Variants in ZZEF1 observed in about 807,000 individuals in gnomAD.
The protein encoded by ZZEF1 is zinc finger ZZ-type and EF-hand domain containing 1.
ZZEF1 carries 157 observed loss-of-function variants against 342.8 expected under a neutral mutation model. The observed-to-expected ratio is 0.46, with a 90% CI of 0.40 to 0.52. The LOEUF (loss-of-function observed/expected upper bound fraction) is 0.52. Ranked by LOEUF, ZZEF1 falls within the 20% of genes least tolerant of loss-of-function variation. The pLI is 0.00. For missense variants in ZZEF1, 3,480 were observed against 3,725.6 expected (o/e 0.93, Z 1.72); for synonymous variants, 1,505 against 1,429.1 (o/e 1.05, Z -1.20).
rs748043625 is a variant in ZZEF1, at chr17:4,017,539, G to A, written c.7833C>T (p.Asn2611=). 4.3e-6 allele frequency: 7 copies of A among 1,614,244 alleles called. No individual in the cohort carries two copies. Among genetic ancestry groups the A allele is most frequent in the Non-Finnish European group, 5.9e-6 (7 of 1,180,038 alleles). ...RAVRDYLFRV[N]EATAVLYARH... Reference sequence around the variant, plus strand: ...GGGCGTACAGGACAGCTGTGGCCTCGTTCACTCGGAAGAGGTAGTCCCGGA... The same window carrying A: ...GGGCGTACAGGACAGCTGTGGCCTCATTCACTCGGAAGAGGTAGTCCCGGA... Residue 2611 remains asparagine, a synonymous_variant, in exon 48 of 55, where the codon AAC becomes AAT. Coordinates refer to ENST00000381638, the MANE Select transcript of ZZEF1 (RefSeq NM_015113.4). This position sits in a 1 kb window ranked among gnomAD's most constrained non-coding sequence, Gnocchi z 5.1.
intron 12 of ZZEF1, among the ~76,000 whole-genome samples, chr17:4,089,436 G>A (rs1308168168): frequency 2.6e-5 from 4 of 152,232 alleles, no homozygotes; most frequent in Non-Finnish European, 5.9e-5. Context: ...TATTTACCGA[G>A]CACCTACTAT....
intron 18 of ZZEF1, among the ~76,000 whole-genome samples, chr17:4,080,830 G>A (rs1229759356): frequency 2.0e-5 from 3 of 152,064 alleles, no homozygotes; most frequent in Non-Finnish European, 4.4e-5. Context: ...AAGCATTATC[G>A]AGCACTTCTG....
At chr17:4,046,963 G>T (rs78167383) in intron 37 of ZZEF1, among the ~76,000 whole-genome samples, 2,535 of 152,256 alleles carry the variant, frequency 0.017, 69 homozygotes, top group African/African-American at 0.058. Flanking sequence ...TGTCCTAGGG[G>T]CCCCAATGGG....
At chr17:4,078,186 A>C in intron 18 of ZZEF1, 144 bp from the exon 19 acceptor site, 1 of 811,262 alleles carries the variant, frequency 1.2e-6, no homozygotes, top group African/African-American at 1.7e-5. Context: ...TCAACCCAGC[A>C]GTCACCAAGA....
chr17:4,073,431 T>G (rs944982493), intron 24 of ZZEF1, among the ~76,000 whole-genome samples: 1 of 150,526 alleles, frequency 6.6e-6, no homozygotes, highest in Non-Finnish European at 1.5e-5. Flanking sequence ...TGAACACATC[T>G]TTTTCCTTTT....
chr17:4,072,501 G>A, intron 25 of ZZEF1, 107 bp downstream of exon 25: 1 of 1,353,114 alleles, frequency 7.4e-7, no homozygotes, highest in South Asian at 1.6e-5. Context: ...GGAGCTAACT[G>A]CTTAATACGG....
intron 38 of ZZEF1, 91 bp downstream of exon 38, chr17:4,044,133 A>G (rs1038067112): frequency 5.5e-6 from 8 of 1,442,488 alleles, no homozygotes; most frequent in Admixed American, 3.9e-5. Flanking sequence ...CGTCTAGCCA[A>G]TGTCAAGCTG....
chr17:4,004,817 C>T lies in ZZEF1; in HGVS notation c.*2073G>A, dbSNP rs2055768643. ...GGCAGCGCCACCCGGTGGCCGGAGACAGAGGCGGCCGGGCCGAGCCGGGAG... is the reference window on the plus strand; with the variant it reads ...GGCAGCGCCACCCGGTGGCCGGAGATAGAGGCGGCCGGGCCGAGCCGGGAG... On this transcript the variant is annotated 3_prime_UTR_variant, in exon 55 of 55. Transcript: ENST00000381638. The T allele has an allele frequency of 6.6e-6, 1 of 152,378 alleles. No individual in the cohort carries two copies. Among genetic ancestry groups the T allele is most frequent in the African/African-American group, 2.4e-5 (1 of 41,602 alleles). The allele number at this position is 152,378 out of a possible 1,614,324, so 9.4% of individuals were successfully genotyped here.
intron 45 of ZZEF1, among the ~76,000 whole-genome samples, chr17:4,020,435 T>A (rs2056239773): frequency 6.6e-6 from 1 of 152,228 alleles, no homozygotes; most frequent in South Asian, 2.1e-4. Context: ...CTTGAACTCC[T>A]GGCCTCAAGT....
chr17:4,084,864 G>A (rs1411864541), intron 16 of ZZEF1, among the ~76,000 whole-genome samples: 1 of 152,242 alleles, frequency 6.6e-6, no homozygotes, highest in Non-Finnish European at 1.5e-5. Context: ...TGTAATCCCA[G>A]CACTTTGGGA....
At position 4,032,849 on chromosome 17, in the gene ZZEF1, G is replaced by A. The variant is rs746443756; in HGVS notation, c.6738C>T (p.Leu2246=). ...GTACCTGGGGGAAGCCAACCAGCACGAGCAGGGTGAAGATGTTGGTGTGCT... is the reference window on the plus strand; with the variant it reads ...GTACCTGGGGGAAGCCAACCAGCACAAGCAGGGTGAAGATGTTGGTGTGCT... The part of the protein sequence containing the change: ...QLKHTNIFTL[L]VLVGFPQVLC... The change falls in exon 41 of 55, where the codon CTC becomes CTT. Residue 2246 remains leucine, a synonymous_variant. Coordinates refer to ENST00000381638, the MANE Select transcript of ZZEF1 (RefSeq NM_015113.4). The A allele has an allele frequency of 7.5e-5, 121 of 1,614,054 alleles. No homozygotes were observed. The highest frequency in any genetic ancestry group is 1.6e-4 in the Middle Eastern group (1 of 6,084).
At chr17:4,137,390 C>G (rs550258648) in intron 1 of ZZEF1, among the ~76,000 whole-genome samples, 5 of 152,296 alleles carry the variant, frequency 3.3e-5, no homozygotes, top group Admixed American at 3.3e-4. Flanking sequence ...GTGGGCGGAT[C>G]ACAAGGTCAG....
intron 24 of ZZEF1, among the ~76,000 whole-genome samples, chr17:4,073,865 C>T (rs2057556908): frequency 6.6e-6 from 1 of 151,952 alleles, no homozygotes; most frequent in Non-Finnish European, 1.5e-5. Context: ...TGGACTATAC[C>T]TACACCTACT....
At chr17:4,043,364 G>GT (rs1234194717) in intron 38 of ZZEF1, among the ~76,000 whole-genome samples, 1 of 152,230 alleles carries the variant, frequency 6.6e-6, no homozygotes, top group Non-Finnish European at 1.5e-5. Flanking sequence ...GATTTGGATT[G>GT]ATGTGGAGTG....
At chr17:4,118,348 G>C (rs1384992045) in intron 2 of ZZEF1, among the ~76,000 whole-genome samples, 1 of 152,168 alleles carries the variant, frequency 6.6e-6, no homozygotes, top group Non-Finnish European at 1.5e-5. Flanking sequence ...TTTCTACCAA[G>C]GCCCGGAGCT....
At position 4,075,336 on chromosome 17, in the gene ZZEF1, C is replaced by T. The variant is rs567437433; in HGVS notation, c.3328G>A (p.Val1110Ile). Residue 1110 changes from valine (V) to isoleucine (I), a missense_variant, in exon 22 of 55, where the codon GTA becomes ATA. Physicochemically the swap from Val to Ile is conservative, Grantham distance 29. Around this residue, in one of 5 missense-constraint regions of ZZEF1, gnomAD observed 1,528 missense variants for 1,624.1 expected, o/e 0.94. Coordinates refer to ENST00000381638, the MANE Select transcript of ZZEF1 (RefSeq NM_015113.4). The part of the protein sequence containing the change: ...AHNYENNCHE[V>I]SVFVSPGATY... ...GCCCCTGGGCTAACAAAGACGGATACCTCATGGCAATTATTTTCATAGTTG... is the reference window on the plus strand; with the variant it reads ...GCCCCTGGGCTAACAAAGACGGATATCTCATGGCAATTATTTTCATAGTTG... 1 of 1,614,098 alleles carries T rather than the reference C, an allele frequency of 6.2e-7. No homozygotes were observed. The highest frequency in any genetic ancestry group is 1.3e-5 in the African/African-American group (1 of 74,926).
chr17:4,039,870 T>C (rs957773284), intron 39 of ZZEF1, among the ~76,000 whole-genome samples: 22 of 152,054 alleles, frequency 1.4e-4, no homozygotes, highest in Non-Finnish European at 2.6e-4. Context: ...GGTCTCGATC[T>C]CCTGACCTCA....
chr17:4,140,940 G>A (rs932174446), intron 1 of ZZEF1, among the ~76,000 whole-genome samples: 5 of 144,990 alleles, frequency 3.4e-5, no homozygotes, highest in East Asian at 2.0e-4. Flanking sequence ...ACAGAGTATC[G>A]CTCTGAGGCC....
At chr17:4,020,727 A>G (rs2056246959) in intron 45 of ZZEF1, among the ~76,000 whole-genome samples, 1 of 152,144 alleles carries the variant, frequency 6.6e-6, no homozygotes, top group South Asian at 2.1e-4. Flanking sequence ...TCCTTTTCAT[A>G]TTGTTCTGAG....
Sources: gnomAD v4.1 joint callset for allele counts (sites outside exome capture counted in the v4.1 genomes callset) on GRCh38, gnomAD v4.1.1 for gene constraint, gnomAD v4.1.1 regional missense constraint, Gnocchi (gnomAD v3.1) non-coding constraint, MANE v1.5 for transcripts, NCBI Gene and HGNC (gene_info 2026-07-23, HGNC 2026-07-21) for gene names.